Variants in PTCHD4 observed in about 807,000 individuals in gnomAD.
PTCHD4 encodes the protein patched domain-containing protein 4.
In PTCHD4, 33 loss-of-function variants were observed where a neutral mutation model predicts 58.1. The ratio of observed to expected loss-of-function variants is 0.57; its 90% CI spans 0.43 to 0.76. The LOEUF is 0.76. Ranked by LOEUF, PTCHD4 falls within the 30% of genes least tolerant of loss-of-function variation. The pLI is 0.00. For missense variants in PTCHD4, 1,058 were observed against 1,027.1 expected (o/e 1.03, Z -0.41); for synonymous variants, 478 against 409.6 (o/e 1.17, Z -2.02).
At chr6:47,880,907 A>G (rs538155526) in intron 4 of PTCHD4, among the ~76,000 whole-genome samples, 30 of 152,246 alleles carry the variant, frequency 2.0e-4, no homozygotes, top group African/African-American at 6.7e-4. Flanking sequence ...TATATCTGCA[A>G]TTTCCCCTTT....
At chr6:47,886,993 A>G (rs1764214120) in intron 4 of PTCHD4, among the ~76,000 whole-genome samples, 1 of 152,190 alleles carries the variant, frequency 6.6e-6, no homozygotes, top group East Asian at 1.9e-4. Context: ...GCCAGTCCAG[A>G]AACTCTTCAC....
At chr6:48,058,507 A>G (rs997565759) in intron 3 of PTCHD4, among the ~76,000 whole-genome samples, 6 of 152,220 alleles carry the variant, frequency 3.9e-5, no homozygotes, top group Non-Finnish European at 8.8e-5. Context: ...TGTGGAAGAA[A>G]ATAGCAGATG....
chr6:47,922,525 G>A lies in PTCHD4; in HGVS notation c.899-42589C>T, dbSNP rs542314639. 2.1e-4 allele frequency among the ~76,000 whole-genome samples: 32 copies of A among 152,282 alleles called. 2 individuals are homozygous for A. In the South Asian group the frequency reaches 5.2e-3, roughly 25 times the overall value. ...CAGTTCCATCAGTTCACAACTTGGCGAGAGGGCTCATTGTGGGGACCAGAT... is the reference window on the plus strand; with the variant it reads ...CAGTTCCATCAGTTCACAACTTGGCAAGAGGGCTCATTGTGGGGACCAGAT... On this transcript the variant is annotated intron_variant, in intron 4 of 4. Coordinates refer to ENST00000339488, the MANE Select transcript of PTCHD4 (RefSeq NM_001384253.1).
chr6:48,054,708 T>TA (rs907223835), intron 3 of PTCHD4, among the ~76,000 whole-genome samples: 5 of 152,052 alleles, frequency 3.3e-5, no homozygotes, highest in Non-Finnish European at 7.4e-5. Context: ...ATGCTTATGA[T>TA]AAAAAAATAA....
At chr6:47,957,748 C>T (rs141325350) in intron 4 of PTCHD4, among the ~76,000 whole-genome samples, 1,549 of 151,598 alleles carry the variant, frequency 0.01, 37 homozygotes, top group African/African-American at 0.036. Flanking sequence ...CTATAGGTGC[C>T]CACCACCATG....
At chr6:48,103,813 T>A (rs1162606158) in intron 1 of PTCHD4, among the ~76,000 whole-genome samples, 1 of 152,150 alleles carries the variant, frequency 6.6e-6, no homozygotes, top group Non-Finnish European at 1.5e-5. Context: ...TGCACAAGCC[T>A]CAGTAACTGA....
intron 4 of PTCHD4, among the ~76,000 whole-genome samples, chr6:47,934,434 T>C (rs1237426715): frequency 6.6e-6 from 1 of 151,824 alleles, no homozygotes; most frequent in African/African-American, 2.4e-5. Context: ...GGAAATTTTC[T>C]AGATATTAAG....
intron 4 of PTCHD4, among the ~76,000 whole-genome samples, chr6:47,912,274 C>CA (rs1346038282): frequency 6.6e-6 from 1 of 151,934 alleles, no homozygotes; most frequent in Non-Finnish European, 1.5e-5. Context: ...TTCCCACCCC[C>CA]ATCCCATCCC....
At chr6:47,929,920 T>C (rs540983335) in intron 4 of PTCHD4, among the ~76,000 whole-genome samples, 8 of 152,364 alleles carry the variant, frequency 5.3e-5, no homozygotes, top group African/African-American at 1.7e-4. Flanking sequence ...ACAGAAGCAG[T>C]GACACCTGCT....
rs375246616 is a variant in PTCHD4 at position 47,938,069 on chromosome 6, C to T, written c.899-58133G>A. On this transcript the variant is annotated intron_variant, in intron 4 of 4. Coordinates refer to ENST00000339488, the MANE Select transcript of PTCHD4 (RefSeq NM_001384253.1). ...TCGGCAGGCTGAGGCAGGAGAACTGCGTGAACCCGGGAGGCAGAGGTTGCA... is the reference window on the plus strand; with the variant it reads ...TCGGCAGGCTGAGGCAGGAGAACTGTGTGAACCCGGGAGGCAGAGGTTGCA... 7.9e-5 allele frequency among the ~76,000 whole-genome samples: 12 copies of T among 152,186 alleles called. No individual in the cohort carries two copies. The East Asian group carries it at 1.4e-3, about 17-fold the overall frequency.
chr6:48,105,036 A>G (rs1438563830), intron 1 of PTCHD4, among the ~76,000 whole-genome samples: 1 of 152,236 alleles, frequency 6.6e-6, no homozygotes, highest in East Asian at 1.9e-4. Flanking sequence ...AATATTAGAC[A>G]GATCAATGAG....
Position 47,869,603 on chromosome 6 carries a change from C to G in PTCHD4, c.*8700G>C, listed in dbSNP as rs1024336571. 6.6e-6 allele frequency among the ~76,000 whole-genome samples: 1 copy of G among 151,610 alleles called. No homozygotes were observed. Among genetic ancestry groups the G allele is most frequent in the East Asian group, 2.0e-4 (1 of 5,122 alleles). On this transcript the variant is annotated 3_prime_UTR_variant, in exon 5 of 5. Transcript: ENST00000339488. ...TGAACTTAGGGATTCATAAAAATAT[C>G]TCTCAGGAATGCCAAGACATTTTGT...
Position 47,938,180 on chromosome 6 carries a change from C to T in PTCHD4, c.899-58244G>A, listed in dbSNP as rs369133365. On this transcript the variant is annotated intron_variant, in intron 4 of 4. Coordinates refer to ENST00000339488, the MANE Select transcript of PTCHD4 (RefSeq NM_001384253.1). ...AAAAAGAAAAAGAAATAAAATATTT[C>T]AGAGAGGAGGGACTGATCAACTGTA... is the stretch of plus-strand genomic sequence containing the variant. Among the ~76,000 whole-genome samples, 14 of 152,088 alleles carry T rather than the reference C, an allele frequency of 9.2e-5. No individual in the cohort carries two copies. The East Asian group carries it at 2.5e-3, about 27-fold the overall frequency.
intron 3 of PTCHD4, among the ~76,000 whole-genome samples, chr6:48,023,703 C>T (rs749989247): frequency 6.6e-6 from 1 of 152,104 alleles, no homozygotes; most frequent in Non-Finnish European, 1.5e-5. Context: ...CTCAGCAGCT[C>T]GGTTTCTCAT....
intron 4 of PTCHD4, among the ~76,000 whole-genome samples, chr6:47,936,238 A>T (rs1765995410): frequency 6.6e-6 from 1 of 152,182 alleles, no homozygotes; most frequent in African/African-American, 2.4e-5. Flanking sequence ...TGAGAATTAT[A>T]AGATTCTAGA....
intron 3 of PTCHD4, among the ~76,000 whole-genome samples, chr6:48,029,646 T>C (rs1429893012): frequency 6.6e-6 from 1 of 152,140 alleles, no homozygotes; most frequent in Non-Finnish European, 1.5e-5. Flanking sequence ...TTTTTCTCCC[T>C]ATCTGATCTT....
intron 4 of PTCHD4, among the ~76,000 whole-genome samples, chr6:47,964,122 T>A (rs1056761836): frequency 6.6e-6 from 1 of 152,030 alleles, no homozygotes; most frequent in Non-Finnish European, 1.5e-5. Context: ...AAGCAGAGAG[T>A]AGAATAGTGA....
intron 1 of PTCHD4, among the ~76,000 whole-genome samples, chr6:48,109,290 C>G (rs1222440628): frequency 1.8e-4 from 28 of 152,138 alleles, no homozygotes; most frequent in Admixed American, 1.8e-3. Flanking sequence ...TACCACAAGA[C>G]TGTCATAAAA....
intron 4 of PTCHD4, 27 bp from the exon 5 acceptor site, chr6:47,879,963 A>T: frequency 1.4e-6 from 2 of 1,416,812 alleles, no homozygotes; most frequent in Non-Finnish European, 1.9e-6. Flanking sequence ...AGAAAATAAT[A>T]ATTATTTTTA....
Sources: gnomAD v4.1 joint callset for allele counts (sites outside exome capture counted in the v4.1 genomes callset) on GRCh38, gnomAD v4.1.1 for gene constraint, MANE v1.5 for transcripts, NCBI Gene and HGNC (gene_info 2026-07-23, HGNC 2026-07-21) for gene names.